Variants in NGEF observed in about 807,000 individuals in gnomAD.
NGEF encodes neuronal guanine nucleotide exchange factor, also known as ephexin-1.
NGEF carries 31 observed loss-of-function variants against 80.9 expected under a neutral mutation model. The observed-to-expected ratio is 0.38, with a 90% CI of 0.29 to 0.52. The LOEUF is 0.52. Among genes scored for constraint, NGEF ranks in the 20% least tolerant of loss-of-function variants. The pLI is 0.84. For synonymous variants in NGEF, 371 were observed against 370.2 expected (o/e 1.00, Z -0.03); for missense variants, 709 against 926.2 (o/e 0.77, Z 3.04).
chr2:232,885,207 G>A, intron 10 of NGEF, 73 bp downstream of exon 10: 5 of 1,397,772 alleles, frequency 3.6e-6, no homozygotes, highest in East Asian at 2.3e-5. Flanking sequence ...GCCAGGCGCG[G>A]TGATCTGTGC....
At chr2:232,920,680 T>A in intron 4 of NGEF, 95 bp from the exon 5 acceptor site, 1 of 1,282,340 alleles carries the variant, frequency 7.8e-7, no homozygotes, top group Non-Finnish European at 1.1e-6. Context: ...TTATCAAGGG[T>A]GGCTGCTGTG....
In NGEF at chr2:232,879,194, A is replaced by G; in HGVS notation, c.*295T>C. The G allele has an allele frequency of 3.3e-6, 1 of 305,446 alleles. No homozygotes were observed. Among genetic ancestry groups the G allele is most frequent in the Non-Finnish European group, 6.1e-6 (1 of 163,424 alleles). The allele number at this position is 305,446 out of a possible 1,614,324, so 18.9% of individuals were successfully genotyped here. On this transcript the variant is annotated 3_prime_UTR_variant, in exon 15 of 15. Transcript: ENST00000264051. ...GGGCCAGGGGCATGGGGGGCCCTGG[A>G]GTGTGCCCACCCCCTTCCACCCCCT...
At position 232,888,070 on chromosome 2, in the gene NGEF, T is replaced by C; in HGVS notation, c.1310A>G (p.Glu437Gly). 6.2e-7 allele frequency: 1 copy of C among 1,613,542 alleles called. No individual in the cohort carries two copies. Among genetic ancestry groups the C allele is most frequent in the Non-Finnish European group, 8.5e-7 (1 of 1,179,838 alleles). The change falls in exon 9 of 15, where the codon GAG becomes GGG. Residue 437 changes from glutamate to glycine, a missense_variant. Glu to Gly is a moderately conservative substitution (Grantham distance 98). Transcript: ENST00000264051. ...CTTGTGAGCATCCAAAGCAGTGCAC[T>C]CCCGCTCAGACCTCTCTTCTACCCT... ...LKRVEERSER[E>G]CTALDAHKEL...
Position 232,879,329 on chromosome 2 carries a change from C to A in NGEF, c.*160G>T, listed in dbSNP as rs73999703. The A allele has an allele frequency of 4.8e-3, 3,242 of 671,846 alleles. 94 individuals carry two copies. The African/African-American group carries it at 0.053, about 11-fold the overall frequency. The allele number at this position is 671,846 out of a possible 1,614,324, so 41.6% of individuals were successfully genotyped here. On this transcript the variant is annotated 3_prime_UTR_variant, in exon 15 of 15. Transcript: ENST00000264051. ...AGTTTGCGAGCAAGGGGCCAAGACACATGAGCACTCACTGCGTGGGCAGGG... is the reference window on the plus strand; with the variant it reads ...AGTTTGCGAGCAAGGGGCCAAGACAAATGAGCACTCACTGCGTGGGCAGGG...
chr2:233,000,207 C>T (rs1016539986), intron 1 of NGEF, among the ~76,000 whole-genome samples: 15 of 152,256 alleles, frequency 9.9e-5, no homozygotes, highest in South Asian at 6.2e-4. Flanking sequence ...GCGATCTTCC[C>T]GCCTCAGTCT....
intron 3 of NGEF, among the ~76,000 whole-genome samples, chr2:232,943,523 T>C (rs1378176928): frequency 3.6e-5 from 5 of 138,670 alleles, no homozygotes; most frequent in East Asian, 4.1e-4. Context: ...TGAGACGGAG[T>C]CTCACTCTGT....
chr2:232,943,325 G>T (rs375046218), intron 3 of NGEF, among the ~76,000 whole-genome samples: 1 of 151,996 alleles, frequency 6.6e-6, no homozygotes, highest in Non-Finnish European at 1.5e-5. Context: ...AAAGAGAGCC[G>T]TCTCCACAGG....
chr2:232,998,467 C>T lies in NGEF; in HGVS notation c.-75+14601G>A, dbSNP rs557011949. 7.2e-5 allele frequency among the ~76,000 whole-genome samples: 11 copies of T among 152,272 alleles called. No homozygotes were observed. In the South Asian group the frequency reaches 8.3e-4, roughly 11 times the overall value. On this transcript the variant is annotated intron_variant, in intron 1 of 14. Transcript: ENST00000264051. Reference sequence around the variant, plus strand: ...GTCAAAGAGCAAAGACCAGGGACAGCGCAGCCAGAGACAGAGCCAGAGGCC... The same window carrying T: ...GTCAAAGAGCAAAGACCAGGGACAGTGCAGCCAGAGACAGAGCCAGAGGCC...
intron 1 of NGEF, among the ~76,000 whole-genome samples, chr2:232,986,397 A>G (rs909893970): frequency 6.6e-6 from 1 of 151,486 alleles, no homozygotes; most frequent in African/African-American, 2.4e-5. Context: ...CATCTTGAAG[A>G]GATATCTACA....
chr2:232,952,774 CCTGGCCAATATGGTGAGACCCCAT>C (rs1240161705), intron 3 of NGEF, among the ~76,000 whole-genome samples: 1 of 150,334 alleles, frequency 6.7e-6, no homozygotes, highest in African/African-American at 2.5e-5. Context: ...TCGAGACCAG[CCTGGCCAATATGGTGAGACCCCAT>C]CTCTACTAAA....
chr2:232,975,473 C>T (rs940498189), intron 1 of NGEF, among the ~76,000 whole-genome samples: 1 of 152,136 alleles, frequency 6.6e-6, no homozygotes, highest in Non-Finnish European at 1.5e-5. Context: ...GCATTAGTGG[C>T]CTTTCTGATG....
intron 3 of NGEF, among the ~76,000 whole-genome samples, chr2:232,942,459 C>T (rs111899721): frequency 7.9e-4 from 120 of 152,272 alleles, no homozygotes; most frequent in African/African-American, 2.7e-3. Flanking sequence ...CTCGGTAAAT[C>T]GACTGATTTA....
At chr2:233,009,319 C>T (rs1695154527) in intron 1 of NGEF, among the ~76,000 whole-genome samples, 1 of 152,114 alleles carries the variant, frequency 6.6e-6, no homozygotes, top group South Asian at 2.1e-4. Flanking sequence ...ACATAATGGC[C>T]TCCACTTCTA....
intron 1 of NGEF, among the ~76,000 whole-genome samples, chr2:232,988,163 G>C (rs1262479596): frequency 6.6e-6 from 1 of 151,890 alleles, no homozygotes; most frequent in Admixed American, 6.6e-5. Flanking sequence ...TTAGCTGGCT[G>C]ATCCCTGCTC....
intron 5 of NGEF, among the ~76,000 whole-genome samples, chr2:232,900,745 C>A (rs1692323614): frequency 9.3e-6 from 1 of 107,700 alleles, no homozygotes; most frequent in South Asian, 2.8e-4. Context: ...TACACGTTCA[C>A]TCACATTCAC....
At position 232,995,068 on chromosome 2, in the gene NGEF, T is replaced by C. The variant is rs1278226796; in HGVS notation, c.-75+18000A>G. On this transcript the variant is annotated intron_variant, in intron 1 of 14. Coordinates refer to ENST00000264051, the MANE Select transcript of NGEF (RefSeq NM_019850.3). ...GTATACTGTATATATGTACAGTATG[T>C]ATACTGTATATGTGTACAGTATGTA... 1.1e-4 allele frequency among the ~76,000 whole-genome samples: 11 copies of C among 101,508 alleles called. 3 individuals are homozygous for C. The highest frequency in any genetic ancestry group is 6.5e-4 in the Admixed American group (7 of 10,808). 66.6% of individuals were successfully genotyped at this position (101,508 alleles called of 152,430 possible).
At chr2:232,927,213 C>T (rs1693091794) in intron 3 of NGEF, 27 bp from the exon 4 acceptor site, 1 of 1,534,540 alleles carries the variant, frequency 6.5e-7, no homozygotes, top group Non-Finnish European at 8.7e-7. Context: ...AGGACAGGGG[C>T]TGGTTATTTT....
At chr2:232,890,374 C>G (rs1329014504) in intron 8 of NGEF, among the ~76,000 whole-genome samples, 4 of 152,190 alleles carry the variant, frequency 2.6e-5, no homozygotes, top group Non-Finnish European at 5.9e-5. Flanking sequence ...TCCCTCACCG[C>G]TGCTCCTTCC....
intron 3 of NGEF, among the ~76,000 whole-genome samples, chr2:232,935,153 T>C (rs1445819115): frequency 3.9e-5 from 6 of 152,214 alleles, no homozygotes; most frequent in Non-Finnish European, 5.9e-5. Flanking sequence ...GCAAAGTGCA[T>C]TCTTATTTAC....
Sources: allele counts gnomAD v4.1 joint callset (sites outside exome capture counted in the v4.1 genomes callset), GRCh38; gene constraint gnomAD v4.1.1; transcripts MANE v1.5; gene names NCBI Gene and HGNC (gene_info 2026-07-23, HGNC 2026-07-21).